The following ZNF385D variants were observed in gnomAD, a reference collection of about 807,000 sequenced individuals.
ZNF385D encodes the protein zinc finger protein 385D, also known as zinc finger protein 659.
In ZNF385D, 15 loss-of-function variants were observed where a neutral mutation model predicts 35.8. The ratio of observed to expected loss-of-function variants is 0.42; its 90% confidence interval spans 0.28 to 0.64. The LOEUF is 0.64. Ranked by LOEUF, ZNF385D falls within the 30% of genes least tolerant of loss-of-function variation. ZNF385D has a pLI of 0.23. For missense variants in ZNF385D, 474 were observed against 494.6 expected, an observed-to-expected ratio of 0.96 and a Z score of 0.39; for synonymous variants, 212 against 186.8, an observed-to-expected ratio of 1.13 and a Z score of -1.10.
At chr3:21,450,680 C>A (rs17008828) in intron 4 of ZNF385D, among the ~76,000 whole-genome samples, 42,192 of 151,980 alleles carry the variant, frequency 0.28, 6,492 homozygotes, top group East Asian at 0.43. Flanking sequence ...ATAATTCAAG[C>A]GCACACATAA....
intron 3 of ZNF385D, among the ~76,000 whole-genome samples, chr3:21,937,114 AAAT>A (rs2125262676): frequency 6.6e-6 from 1 of 152,352 alleles, no homozygotes; most frequent in South Asian, 2.1e-4. Flanking sequence ...GAAAGAAAAA[AAAT>A]ATTTTTTGAG....
At chr3:22,129,219 G>C (rs1703628923) in intron 3 of ZNF385D, among the ~76,000 whole-genome samples, 1 of 152,156 alleles carries the variant, frequency 6.6e-6, no homozygotes, top group Non-Finnish European at 1.5e-5. Context: ...GAGCTACCTA[G>C]AGCTGGAGGA....
intron 3 of ZNF385D, among the ~76,000 whole-genome samples, chr3:21,991,233 G>A (rs1160956766): frequency 6.6e-6 from 1 of 152,102 alleles, no homozygotes; most frequent in Non-Finnish European, 1.5e-5. Flanking sequence ...ATTTTAGATG[G>A]AAAGCAGTTG....
chr3:22,181,774 A>T (rs1410791354), intron 2 of ZNF385D, among the ~76,000 whole-genome samples: 2 of 152,110 alleles, frequency 1.3e-5, no homozygotes, highest in Non-Finnish European at 2.9e-5. Context: ...ACAAAAAGAT[A>T]GTAATGCCCA....
chr3:21,427,539 C>A (rs1701078630), intron 5 of ZNF385D, among the ~76,000 whole-genome samples: 1 of 152,032 alleles, frequency 6.6e-6, no homozygotes, highest in Non-Finnish European at 1.5e-5. Context: ...AGAAAAAAGC[C>A]AGACATAGGT....
At chr3:21,913,231 T>A (rs573799676) in intron 3 of ZNF385D, among the ~76,000 whole-genome samples, 1 of 152,116 alleles carries the variant, frequency 6.6e-6, no homozygotes, top group African/African-American at 2.4e-5. Context: ...GAAGGAACAG[T>A]GTCACCATGC....
At chr3:22,106,344 G>C (rs1272154192) in intron 3 of ZNF385D, among the ~76,000 whole-genome samples, 1 of 152,160 alleles carries the variant, frequency 6.6e-6, no homozygotes, top group Non-Finnish European at 1.5e-5. Flanking sequence ...GAAAGATGAT[G>C]AAACTGAGAT....
At chr3:21,428,741 G>A (rs1209996157) in intron 5 of ZNF385D, among the ~76,000 whole-genome samples, 2 of 152,020 alleles carry the variant, frequency 1.3e-5, no homozygotes, top group Non-Finnish European at 2.9e-5. Context: ...GCACTCATAA[G>A]TCTACTTCTG....
chr3:21,622,713 T>G (rs1190023853), intron 2 of ZNF385D, among the ~76,000 whole-genome samples: 1 of 152,146 alleles, frequency 6.6e-6, no homozygotes, highest in Non-Finnish European at 1.5e-5. Flanking sequence ...TGGTAATGAT[T>G]ATTATTTAGC....
intron 1 of ZNF385D, among the ~76,000 whole-genome samples, chr3:21,747,681 A>C (rs1199800883): frequency 6.6e-6 from 1 of 152,200 alleles, no homozygotes; most frequent in Non-Finnish European, 1.5e-5. Flanking sequence ...GGCGCTGAGC[A>C]ATTGCTGGGG....
chr3:22,123,761 C>T (rs1234985581), intron 3 of ZNF385D, among the ~76,000 whole-genome samples: 5 of 151,796 alleles, frequency 3.3e-5, no homozygotes, highest in East Asian at 1.9e-4. Context: ...CTCGGGAGGC[C>T]GAGGCAGGGA....
At chr3:21,492,339 C>A (rs1485262146) in intron 4 of ZNF385D, among the ~76,000 whole-genome samples, 1 of 151,472 alleles carries the variant, frequency 6.6e-6, no homozygotes, top group Admixed American at 6.6e-5. Flanking sequence ...GACAAAGTGC[C>A]CACAAATTGA....
intron 2 of ZNF385D, among the ~76,000 whole-genome samples, chr3:21,604,772 A>G (rs745860758): frequency 6.6e-6 from 1 of 152,212 alleles, no homozygotes. Flanking sequence ...GTCAGCTGCT[A>G]TAGGAAACTC....
intron 2 of ZNF385D, among the ~76,000 whole-genome samples, chr3:22,202,515 A>G (rs1159512874): frequency 6.6e-6 from 1 of 152,072 alleles, no homozygotes; most frequent in African/African-American, 2.4e-5. Flanking sequence ...GGAAGCTTCT[A>G]CTGACTGTCC....
Position 21,527,032 on chromosome 3 carries a change from C to CA in ZNF385D, c.277-16010dup, listed in dbSNP as rs750802114. 1.3e-3 allele frequency among the ~76,000 whole-genome samples: 196 copies of CA among 145,932 alleles called. 4 individuals carry two copies. The East Asian group carries it at 0.023, about 17-fold the overall frequency. Reference sequence around the variant, plus strand: ...TTATCTTAAATACTTTCACTCTTTTCAAAAAAAAAATCCATGATGTAGAAA... The same window carrying CA: ...TTATCTTAAATACTTTCACTCTTTTCAAAAAAAAAAATCCATGATGTAGAAA... On this transcript the variant is annotated intron_variant, in intron 3 of 7. Transcript: ENST00000281523.
At chr3:22,133,275 C>T (rs993156752) in intron 3 of ZNF385D, among the ~76,000 whole-genome samples, 5 of 151,924 alleles carry the variant, frequency 3.3e-5, no homozygotes, top group Non-Finnish European at 5.9e-5. Context: ...TCCTTAATAT[C>T]CTTCTTAATA....
At chr3:21,813,128 G>C (rs1325685515) in intron 3 of ZNF385D, among the ~76,000 whole-genome samples, 1 of 152,204 alleles carries the variant, frequency 6.6e-6, no homozygotes, top group Non-Finnish European at 1.5e-5. Context: ...CTGCAGCTGA[G>C]GGTCCTGACT....
At chr3:22,219,804 G>C (rs1424408468) in intron 2 of ZNF385D, among the ~76,000 whole-genome samples, 1 of 152,112 alleles carries the variant, frequency 6.6e-6, no homozygotes, top group Admixed American at 6.5e-5. Flanking sequence ...GTAATGCTTT[G>C]TCACTAAGTG....
chr3:22,071,675 C>A (rs988494489), intron 3 of ZNF385D, among the ~76,000 whole-genome samples: 1 of 152,078 alleles, frequency 6.6e-6, no homozygotes, highest in South Asian at 2.1e-4. Context: ...TGAGTAAGCT[C>A]ACATTTTCTT....
Sources: allele counts gnomAD v4.1 joint callset (sites outside exome capture counted in the v4.1 genomes callset), GRCh38; gene constraint gnomAD v4.1.1; transcripts MANE v1.5; gene names NCBI Gene and HGNC (gene_info 2026-07-23, HGNC 2026-07-21).